Variants in RBFOX3 observed in about 807,000 individuals in gnomAD.
RBFOX3 encodes the protein RNA binding protein fox-1 homolog 3.
Under a neutral mutation model 48.7 loss-of-function variants are expected in RBFOX3, and 17 were observed. The ratio of observed to expected loss-of-function variants is 0.35; its 90% CI spans 0.24 to 0.52. The LOEUF is 0.52. Among genes scored for constraint, RBFOX3 ranks in the 20% least tolerant of loss-of-function variants. The probability of loss-of-function intolerance (pLI) is 0.94; values close to 1 mark genes in which losing one functional copy is unlikely to be tolerated. For missense variants in RBFOX3, 382 were observed against 497.5 expected, an observed-to-expected ratio of 0.77 and a Z score of 2.21; for synonymous variants, 212 against 209.5, an observed-to-expected ratio of 1.01 and a Z score of -0.10.
chr17:79,663,909 G>C, the RBFOX3 span, among the ~76,000 whole-genome samples: 10 of 152,126 alleles, frequency 6.6e-5, no homozygotes, highest in Non-Finnish European at 2.9e-5. Flanking sequence ...TTCGTGTTGA[G>C]TATAAAGCTT....
intron 2 of RBFOX3, among the ~76,000 whole-genome samples, chr17:79,398,988 T>C (rs1214870414): frequency 2.0e-5 from 3 of 152,202 alleles, no homozygotes; most frequent in South Asian, 4.1e-4. Flanking sequence ...GGTGTCCTTG[T>C]AGGAAGAGGA....
intron 3 of RBFOX3, among the ~76,000 whole-genome samples, chr17:79,304,808 G>A (rs1025694554): frequency 3.3e-5 from 5 of 152,330 alleles, no homozygotes; most frequent in African/African-American, 7.2e-5. Flanking sequence ...TAAGATTCTC[G>A]GAAGGTGCTG....
intron 4 of RBFOX3, among the ~76,000 whole-genome samples, chr17:79,138,260 A>G (rs2703511): frequency 0.51 from 77,932 of 152,102 alleles, 20,638 homozygotes; most frequent in East Asian, 0.8. Flanking sequence ...ATGCCTCTAC[A>G]TACCTGTATT....
intron 4 of RBFOX3, among the ~76,000 whole-genome samples, chr17:79,219,735 C>T (rs1036027757): frequency 6.6e-6 from 1 of 152,106 alleles, no homozygotes; most frequent in East Asian, 1.9e-4. Context: ...CACAGCCATG[C>T]TTCACCACTC....
chr17:79,644,578 T>A, the RBFOX3 span, among the ~76,000 whole-genome samples: 3 of 152,300 alleles, frequency 2.0e-5, no homozygotes, highest in Admixed American at 6.5e-5. Context: ...TACTTAAAGA[T>A]CAATTGTATT....
At chr17:79,232,495 T>C (rs1702111793) in intron 4 of RBFOX3, among the ~76,000 whole-genome samples, 1 of 152,164 alleles carries the variant, frequency 6.6e-6, no homozygotes, top group Admixed American at 6.5e-5. Flanking sequence ...ACATGACAAC[T>C]GATTTTTGAT....
chr17:79,620,575 ACACACGCACG>A, the RBFOX3 span, among the ~76,000 whole-genome samples: 3 of 90,212 alleles, frequency 3.3e-5, no homozygotes, highest in Non-Finnish European at 5.1e-5. Context: ...CCGCGCGTGC[ACACACGCACG>A]CACACACACG....
intron 4 of RBFOX3, among the ~76,000 whole-genome samples, chr17:79,140,367 C>T (rs1255767883): frequency 6.6e-6 from 1 of 152,246 alleles, no homozygotes; most frequent in Non-Finnish European, 1.5e-5. Flanking sequence ...GAGGGTGAAC[C>T]CTGTATGATG....
At chr17:79,563,399 C>G (rs985757939) in intron 1 of RBFOX3, among the ~76,000 whole-genome samples, 1 of 152,328 alleles carries the variant, frequency 6.6e-6, no homozygotes, top group South Asian at 2.1e-4. Flanking sequence ...AGGATCCCTA[C>G]GCCCCACTGC....
the RBFOX3 span, among the ~76,000 whole-genome samples, chr17:79,644,242 T>C: frequency 6.6e-6 from 1 of 152,024 alleles, no homozygotes; most frequent in East Asian, 1.9e-4. Context: ...ACTGGTGAAT[T>C]CTATCAAAAC....
chr17:79,318,781 G>A (rs1407689534), intron 2 of RBFOX3, among the ~76,000 whole-genome samples: 1 of 149,088 alleles, frequency 6.7e-6, no homozygotes, highest in African/African-American at 2.5e-5. Context: ...TGTGAACCCG[G>A]GAGGCAAAGT....
intron 4 of RBFOX3, among the ~76,000 whole-genome samples, chr17:79,137,222 A>C (rs148079247): frequency 7.1e-4 from 102 of 143,458 alleles, no homozygotes; most frequent in African/African-American, 2.6e-3. Flanking sequence ...ATGTGCTCAC[A>C]CAGACCCTCT....
At chr17:79,383,336 G>A (rs1219643176) in intron 2 of RBFOX3, among the ~76,000 whole-genome samples, 2 of 152,198 alleles carry the variant, frequency 1.3e-5, no homozygotes, top group African/African-American at 2.4e-5. Context: ...CTCCCCAAGC[G>A]GCCCAAGAAG....
chr17:79,192,740 C>T (rs1341820516), intron 4 of RBFOX3, among the ~76,000 whole-genome samples: 2 of 152,206 alleles, frequency 1.3e-5, no homozygotes, highest in Non-Finnish European at 2.9e-5. Context: ...CCTCTGTCTC[C>T]CTGGGCCCAA....
intron 2 of RBFOX3, among the ~76,000 whole-genome samples, chr17:79,463,878 TGCCACC>T (rs1242917287): frequency 7.8e-6 from 1 of 127,486 alleles, no homozygotes; most frequent in African/African-American, 3.2e-5. Context: ...CCACTGCCAC[TGCCACC>T]ACCATCGCCA....
At chr17:79,304,732 G>A (rs949196310) in intron 3 of RBFOX3, among the ~76,000 whole-genome samples, 2 of 152,212 alleles carry the variant, frequency 1.3e-5, no homozygotes, top group African/African-American at 4.8e-5. Context: ...GGGGAGAAAA[G>A]ATGATGGGAT....
In RBFOX3 at chr17:79,481,546, G is replaced by C. The variant is rs996314982; in HGVS notation, c.-175+908C>G. On this transcript the variant is annotated intron_variant, in intron 2 of 14. Coordinates refer to ENST00000693108, the MANE Select transcript of RBFOX3 (RefSeq NM_001350451.2). This position sits in a 1 kb window ranked among gnomAD's most constrained non-coding sequence, Gnocchi z 5.4. ...GACCCGTAGGAAGCTTCAAGTGTGA[G>C]GCTGGCCGTGCACGTGATTAGAGGG... Among the ~76,000 whole-genome samples, 532 of 152,248 alleles carry C rather than the reference G, an allele frequency of 3.5e-3. 3 individuals carry two copies. The highest frequency in any genetic ancestry group is 0.011 in the African/African-American group (451 of 41,524).
chr17:79,391,930 G>A lies in RBFOX3; in HGVS notation c.-174-84106C>T, dbSNP rs1406413527. 6.6e-6 allele frequency among the ~76,000 whole-genome samples: 1 copy of A among 152,054 alleles called. No homozygotes were observed. The highest frequency in any genetic ancestry group is 1.5e-5 in the Non-Finnish European group (1 of 67,984). ...TTCCCGGTTCTGAAGCTCACAGGTC[G>A]CGGGTTTGCTGAGAAGGCACGTGCT... On this transcript the variant is annotated intron_variant, in intron 2 of 14. Coordinates refer to ENST00000693108, the MANE Select transcript of RBFOX3 (RefSeq NM_001350451.2). The surrounding 1 kb of genome is among the most constrained non-coding windows in gnomAD (Gnocchi z 5.0).
chr17:79,490,747 C>A (rs1276084143), intron 1 of RBFOX3, among the ~76,000 whole-genome samples: 1 of 130,752 alleles, frequency 7.6e-6, no homozygotes, highest in Non-Finnish European at 1.7e-5. Flanking sequence ...AGAGAGAGAA[C>A]AGGTAAACCA....
Sources: gnomAD v4.1 joint callset for allele counts (sites outside exome capture counted in the v4.1 genomes callset) on GRCh38, gnomAD v4.1.1 for gene constraint, Gnocchi (gnomAD v3.1) non-coding constraint, MANE v1.5 for transcripts, NCBI Gene and HGNC (gene_info 2026-07-23, HGNC 2026-07-21) for gene names.